Variants in SSX2IP observed in about 807,000 individuals in gnomAD.
SSX2IP encodes SSX family member 2 interacting protein, also known as afadin- and alpha-actinin-binding protein.
A neutral mutation model predicts 84.9 loss-of-function variants in SSX2IP; 55 were observed. The ratio of observed to expected loss-of-function variants is 0.65; its 90% CI spans 0.52 to 0.81. SSX2IP has a LOEUF of 0.81. Among genes scored for constraint, SSX2IP ranks in the 30% least tolerant of loss-of-function variants. The probability of loss-of-function intolerance (pLI) is 0.00; values close to 1 mark genes in which losing one functional copy is unlikely to be tolerated. For missense variants in SSX2IP, 664 were observed against 705.2 expected (o/e 0.94, Z 0.66); for synonymous variants, 239 against 234.7 (o/e 1.02, Z -0.17).
chr1:84,663,587 G>A (rs1652345502), intron 6 of SSX2IP, among the ~76,000 whole-genome samples: 2 of 152,196 alleles, frequency 1.3e-5, no homozygotes, highest in South Asian at 4.1e-4. Flanking sequence ...TGACAGTGAT[G>A]TAGTCAACAC....
chr1:84,678,173 T>A (rs1352766950), intron 1 of SSX2IP, among the ~76,000 whole-genome samples: 1 of 152,202 alleles, frequency 6.6e-6, no homozygotes, highest in Non-Finnish European at 1.5e-5. Flanking sequence ...TTACAATTAA[T>A]CATTCTATAG....
Position 84,680,671 on chromosome 1 carries a change from G to A in SSX2IP, c.-89-9363C>T, listed in dbSNP as rs148996956. ...CCTCAGGAAAAAAAAACAAATATCAGTAGATATGTACAGGCATAAATTCTG... is the reference window on the plus strand; with the variant it reads ...CCTCAGGAAAAAAAAACAAATATCAATAGATATGTACAGGCATAAATTCTG... On this transcript the variant is annotated intron_variant, in intron 1 of 13. Transcript: ENST00000342203. Among the ~76,000 whole-genome samples, 568 of 151,954 alleles carry A rather than the reference G, an allele frequency of 3.7e-3. 8 individuals carry two copies. Among genetic ancestry groups the A allele is most frequent in the African/African-American group, 0.013 (551 of 41,444 alleles).
At chr1:84,649,734 G>A (rs116361074) in intron 13 of SSX2IP, 23,163 of 307,196 alleles carry the variant, frequency 0.075, 1,136 homozygotes, top group South Asian at 0.11. Context: ...CCTCTTCTTC[G>A]TTTAAAACTA....
At chr1:84,672,845 C>T (rs565012047) in intron 1 of SSX2IP, among the ~76,000 whole-genome samples, 53 of 151,900 alleles carry the variant, frequency 3.5e-4, no homozygotes, top group Non-Finnish European at 6.8e-4. Context: ...GCCAACATGG[C>T]GAAACCCCCG....
chr1:84,647,683 C>A, intron 13 of SSX2IP, 76 bp from the exon 14 acceptor site: 1 of 1,041,718 alleles, frequency 9.6e-7, no homozygotes, highest in Non-Finnish European at 1.2e-6. Context: ...ATGTGGCACT[C>A]TTCAAAAAAA....
intron 9 of SSX2IP, among the ~76,000 whole-genome samples, chr1:84,656,740 T>C (rs1477075935): frequency 6.6e-6 from 1 of 152,198 alleles, no homozygotes; most frequent in African/African-American, 2.4e-5. Flanking sequence ...ATTACACATT[T>C]GTGCAATTTT....
In SSX2IP at chr1:84,647,417, A is replaced by C. The variant is rs898707869; in HGVS notation, c.*16T>G. On this transcript the variant is annotated 3_prime_UTR_variant, in exon 14 of 14. Coordinates refer to ENST00000342203, the MANE Select transcript of SSX2IP (RefSeq NM_001166293.2). ...CTTGATGAACACATTAATGAAAAAA[A>C]TTCCAGTCCACATGTCTAAGGTAAG... The C allele has an allele frequency of 8.4e-6, 13 of 1,550,164 alleles. No homozygotes were observed. Among genetic ancestry groups the C allele is most frequent in the Non-Finnish European group, 1.0e-5 (12 of 1,148,208 alleles).
At chr1:84,647,707 A>G (rs1649645981) in intron 13 of SSX2IP, 100 bp from the exon 14 acceptor site, 1 of 989,904 alleles carries the variant, frequency 1.0e-6, no homozygotes, top group Non-Finnish European at 1.4e-6. Context: ...AGTTCCTTTT[A>G]ATTCTAAAAA....
At chr1:84,649,055 G>T (rs895912528) in intron 13 of SSX2IP, among the ~76,000 whole-genome samples, 4 of 152,168 alleles carry the variant, frequency 2.6e-5, no homozygotes, top group Middle Eastern at 3.4e-3. Context: ...TAAAACTAGT[G>T]TTTTTTCTAT....
chr1:84,660,526 G>T (rs1651791692), intron 8 of SSX2IP, among the ~76,000 whole-genome samples: 1 of 152,166 alleles, frequency 6.6e-6, no homozygotes, highest in Non-Finnish European at 1.5e-5. Context: ...GGTCAAGCAG[G>T]CCTCAAAATG....
intron 13 of SSX2IP, among the ~76,000 whole-genome samples, chr1:84,648,666 CATT>C (rs1649788801): frequency 6.6e-6 from 1 of 152,102 alleles, no homozygotes; most frequent in Non-Finnish European, 1.5e-5. Context: ...ATATAAAATG[CATT>C]ATTTGTGAAT....
chr1:84,672,700 A>G (rs1265472121), intron 1 of SSX2IP, among the ~76,000 whole-genome samples: 1 of 152,156 alleles, frequency 6.6e-6, no homozygotes, highest in East Asian at 1.9e-4. Flanking sequence ...AATATTTAAG[A>G]CTGTGGTAAA....
rs768761443 is a variant in SSX2IP at position 84,650,310 on chromosome 1, C to T, written c.1670+52G>A. On this transcript the variant is annotated intron_variant, in intron 13 of 13. Coordinates refer to ENST00000342203, the MANE Select transcript of SSX2IP (RefSeq NM_001166293.2). The stretch of plus-strand genomic sequence containing the variant: ...ACATGCCACCTTTCCCTTAGCAGTG[C>T]AACTTTAGCAATTTTTAGAAACACG... The T allele has an allele frequency of 4.3e-5, 69 of 1,594,694 alleles. No individual in the cohort carries two copies. The Admixed American group carries it at 1.1e-3, about 25-fold the overall frequency.
Position 84,655,772 on chromosome 1 carries a change from A to C in SSX2IP, c.1389+60T>G. 6 of 1,563,664 alleles carry C rather than the reference A, an allele frequency of 3.8e-6. 1 individual carries two copies. Among genetic ancestry groups the C allele is most frequent in the Non-Finnish European group, 5.2e-6 (6 of 1,154,574 alleles). Reference sequence around the variant, plus strand: ...AAGAAAAAAAGGAGACCTTAGAAGCATTCTACTGAGGCCCACCCACCCCCA... The same window carrying C: ...AAGAAAAAAAGGAGACCTTAGAAGCCTTCTACTGAGGCCCACCCACCCCCA... On this transcript the variant is annotated intron_variant, in intron 11 of 13. Coordinates refer to ENST00000342203, the MANE Select transcript of SSX2IP (RefSeq NM_001166293.2).
intron 11 of SSX2IP, among the ~76,000 whole-genome samples, chr1:84,654,097 C>T (rs1650727825): frequency 6.6e-6 from 1 of 151,668 alleles, no homozygotes; most frequent in Non-Finnish European, 1.5e-5. Flanking sequence ...ATTCAGAAGG[C>T]CAAATGTGTG....
At chr1:84,671,073 C>T (rs997227901) in intron 2 of SSX2IP, 104 bp downstream of exon 2, 1 of 1,354,892 alleles carries the variant, frequency 7.4e-7, no homozygotes. Context: ...ATTTGTCTCT[C>T]TTTAGTCACA....
intron 1 of SSX2IP, among the ~76,000 whole-genome samples, chr1:84,689,640 A>G (rs1656302999): frequency 6.6e-6 from 1 of 152,230 alleles, no homozygotes; most frequent in Non-Finnish European, 1.5e-5. Context: ...TGCAGACAGC[A>G]AATTAGTATA....
intron 13 of SSX2IP, chr1:84,650,085 C>A: frequency 1.6e-6 from 1 of 625,076 alleles, no homozygotes; most frequent in Non-Finnish European, 2.8e-6. Flanking sequence ...AGACTACATT[C>A]TAAATTGTAT....
At chr1:84,655,762 C>G in intron 11 of SSX2IP, 70 bp downstream of exon 11, 1 of 1,536,612 alleles carries the variant, frequency 6.5e-7, no homozygotes, top group Non-Finnish European at 8.8e-7. Flanking sequence ...AAAAAGGAGA[C>G]CTTAGAAGCA....
Sources: allele counts gnomAD v4.1 joint callset (sites outside exome capture counted in the v4.1 genomes callset), GRCh38; gene constraint gnomAD v4.1.1; transcripts MANE v1.5; gene names NCBI Gene and HGNC (gene_info 2026-07-23, HGNC 2026-07-21).